CCDC7: variants seen among roughly 807,000 people sequenced by gnomAD.
CCDC7 encodes coiled-coil domain-containing protein 7.
A neutral mutation model predicts 196.9 loss-of-function variants in CCDC7; 183 were observed. That is an observed-to-expected ratio of 0.93 (90% CI 0.82 to 1.05). The LOEUF (loss-of-function observed/expected upper bound fraction) is 1.05. Ranked by LOEUF, CCDC7 falls within the 50% of genes least tolerant of loss-of-function variation. CCDC7 has a pLI of 0.00. For synonymous variants in CCDC7, 525 were observed against 484.6 expected (o/e 1.08, Z -1.10); for missense variants, 1,540 against 1,482.2 (o/e 1.04, Z -0.64).
At chr10:32,449,865 C>A (rs945684803), upstream of CCDC7, among the ~76,000 whole-genome samples, 1 of 152,180 alleles carries the variant, frequency 6.6e-6, no homozygotes, top group Non-Finnish European at 1.5e-5. Flanking sequence ...TTGCTCCTTC[C>A]ATCATGTGAG....
chr10:32,512,234 T>A (rs2046330726), intron 9 of CCDC7: 1 of 156,852 alleles, frequency 6.4e-6, no homozygotes, highest in Non-Finnish European at 1.4e-5. Flanking sequence ...AGAGATGAAG[T>A]TGTTAAGTTA....
At chr10:32,703,625 C>T (rs2079153036) in intron 24 of CCDC7, among the ~76,000 whole-genome samples, 3 of 152,052 alleles carry the variant, frequency 2.0e-5, no homozygotes, top group South Asian at 4.1e-4. Flanking sequence ...AACTTGGTTC[C>T]ATTCACCCCT....
intron 20 of CCDC7, among the ~76,000 whole-genome samples, chr10:32,658,348 A>C (rs2070432074): frequency 6.6e-6 from 1 of 152,212 alleles, no homozygotes; most frequent in Admixed American, 6.5e-5. Flanking sequence ...GCCTCAGAAA[A>C]CTTACAATTA....
At chr10:32,869,178 C>G (rs539078494) in intron 41 of CCDC7, among the ~76,000 whole-genome samples, 131 of 152,280 alleles carry the variant, frequency 8.6e-4, no homozygotes, top group African/African-American at 3.1e-3. Flanking sequence ...AGTTTACACT[C>G]CCACCAGCAG....
intron 21 of CCDC7, among the ~76,000 whole-genome samples, chr10:32,677,066 G>A (rs1348585173): frequency 6.6e-6 from 1 of 151,324 alleles, no homozygotes; most frequent in Admixed American, 6.6e-5. Flanking sequence ...TCCTTTGTAG[G>A]GACATGGATG....
intron 29 of CCDC7, among the ~76,000 whole-genome samples, chr10:32,783,081 G>A (rs2081301854): frequency 6.6e-6 from 1 of 152,078 alleles, no homozygotes. Context: ...ACAGGGAAAA[G>A]CCTTCATGAC....
chr10:32,587,344 C>A (rs2059386006), intron 18 of CCDC7, among the ~76,000 whole-genome samples: 1 of 152,136 alleles, frequency 6.6e-6, no homozygotes, highest in African/African-American at 2.4e-5. Context: ...CTGGCTACAG[C>A]CTTCTTGCTG....
chr10:32,692,942 T>C (rs1470709803), intron 23 of CCDC7, among the ~76,000 whole-genome samples: 1 of 152,186 alleles, frequency 6.6e-6, no homozygotes, highest in Non-Finnish European at 1.5e-5. Flanking sequence ...GCTGGAGCTC[T>C]GAACCACATG....
Position 32,750,774 on chromosome 10 carries a change from CTTTG to C in CCDC7, c.2905+21322_2905+21325del, listed in dbSNP as rs1268961472. ...AAATAAGAGATGTCTTCTCAGTTTA[CTTTG>C]TTTGGCCTTCAATATTCTCACATTG... is the stretch of plus-strand genomic sequence containing the variant. On this transcript the variant is annotated intron_variant, in intron 28 of 41. Transcript: ENST00000639629. 3.3e-5 allele frequency among the ~76,000 whole-genome samples: 5 copies of C among 152,250 alleles called. No individual in the cohort carries two copies. The East Asian group carries it at 5.8e-4, about 18-fold the overall frequency.
intron 9 of CCDC7, among the ~76,000 whole-genome samples, chr10:32,500,665 A>G (rs1054829217): frequency 1.4e-4 from 21 of 152,294 alleles, no homozygotes; most frequent in African/African-American, 5.1e-4. Context: ...CAGAGGCTGC[A>G]ATCTCGGCAC....
intron 28 of CCDC7, among the ~76,000 whole-genome samples, chr10:32,745,663 C>T (rs958256406): frequency 6.6e-6 from 1 of 152,094 alleles, no homozygotes; most frequent in Admixed American, 6.6e-5. Flanking sequence ...TCTACATGAC[C>T]TTTGGAGGGG....
intron 5 of CCDC7, among the ~76,000 whole-genome samples, chr10:32,469,634 G>T (rs907270303): frequency 3.9e-5 from 6 of 152,204 alleles, no homozygotes; most frequent in African/African-American, 1.4e-4. Flanking sequence ...GGGAGGCTCT[G>T]CACTGGTGGA....
intron 21 of CCDC7, among the ~76,000 whole-genome samples, chr10:32,678,555 C>T (rs1002933258): frequency 6.6e-6 from 1 of 152,082 alleles, no homozygotes; most frequent in Non-Finnish European, 1.5e-5. Flanking sequence ...AGCTTCTGAC[C>T]ACCCCTCTTC....
intron 18 of CCDC7, among the ~76,000 whole-genome samples, chr10:32,617,391 T>C (rs562998149): frequency 3.0e-4 from 45 of 151,990 alleles, no homozygotes; most frequent in African/African-American, 1.1e-3. Context: ...AGTTGTTAAT[T>C]TGTGGTCTTT....
chr10:32,513,877 A>G (rs1299938485), intron 9 of CCDC7: 2 of 152,220 alleles, frequency 1.3e-5, no homozygotes, highest in African/African-American at 4.8e-5. Context: ...TACAAACCCC[A>G]TGGTCAACAT....
intron 31 of CCDC7, among the ~76,000 whole-genome samples, chr10:32,821,936 T>C (rs1179751025): frequency 6.6e-6 from 1 of 151,690 alleles, no homozygotes; most frequent in African/African-American, 2.4e-5. Flanking sequence ...GTTGTGCACA[T>C]GTACCCTAAA....
rs986164727 is a variant in CCDC7 at position 32,571,729 on chromosome 10, C to T, written c.1420-130C>T. On this transcript the variant is annotated intron_variant, in intron 15 of 41. Transcript: ENST00000639629. ...ATGCTAAAATATGATAATTTCTTTG[C>T]TTTTTTGATACCTTAATCTTACGAA... is the stretch of plus-strand genomic sequence containing the variant. 7 of 795,318 alleles carry T rather than the reference C, an allele frequency of 8.8e-6. No individual in the cohort carries two copies. In the African/African-American group the frequency reaches 9.1e-5, roughly 10 times the overall value. 49.3% of individuals were successfully genotyped at this position (795,318 alleles called of 1,614,324 possible). A position where few individuals can be genotyped will look rare whatever the true frequency, so the allele number is the denominator to read the frequency against.
At chr10:32,519,954 A>T (rs958741042) in intron 11 of CCDC7, among the ~76,000 whole-genome samples, 13 of 152,116 alleles carry the variant, frequency 8.5e-5, no homozygotes, top group African/African-American at 3.1e-4. Context: ...CCCCACGAAT[A>T]AGTGAAAACA....
At chr10:32,601,297 C>T (rs1716013) in intron 18 of CCDC7, among the ~76,000 whole-genome samples, 52,190 of 152,038 alleles carry the variant, frequency 0.34, 11,415 homozygotes, top group Non-Finnish European at 0.5. Context: ...TCTCAAACTC[C>T]TGACCTCAAG....
Sources: allele counts gnomAD v4.1 joint callset (sites outside exome capture counted in the v4.1 genomes callset), GRCh38; gene constraint gnomAD v4.1.1; transcripts MANE v1.5; gene names NCBI Gene and HGNC (gene_info 2026-07-23, HGNC 2026-07-21).